The following ASPG variants were observed in gnomAD, a reference collection of about 807,000 sequenced individuals.
ASPG encodes the protein 60 kDa lysophospholipase.
In ASPG, 53 loss-of-function variants were observed where a neutral mutation model predicts 63.2. The observed-to-expected ratio is 0.84, with a 90% CI of 0.67 to 1.05. The LOEUF is 1.05. Among genes scored for constraint, ASPG ranks in the 50% least tolerant of loss-of-function variants. The pLI is 0.00. For missense variants in ASPG, 741 were observed against 794.4 expected, an observed-to-expected ratio of 0.93 and a Z score of 0.81; for synonymous variants, 370 against 355.0, an observed-to-expected ratio of 1.04 and a Z score of -0.48.
chr14:104,109,337 G>T lies in ASPG; in HGVS notation c.1520+22G>T. On this transcript the variant is annotated intron_variant, in intron 13 of 15. Transcript: ENST00000551177. The surrounding 1 kb of genome is among the most constrained non-coding windows in gnomAD (Gnocchi z 4.8). ...GCAGGTGAGTGCAGCTAGAGCACCT[G>T]CTCTTCCAGGGATGTGGGGGACACA... is the stretch of plus-strand genomic sequence containing the variant. 1 of 1,587,978 alleles carries T rather than the reference G, an allele frequency of 6.3e-7. No homozygotes were observed. Among genetic ancestry groups the T allele is most frequent in the Non-Finnish European group, 8.6e-7 (1 of 1,166,206 alleles).
In ASPG at chr14:104,104,351, C is replaced by T. The variant is rs753766093; in HGVS notation, c.801C>T (p.Thr267=). 1.6e-5 allele frequency: 26 copies of T among 1,612,496 alleles called. No individual in the cohort carries two copies. The highest frequency in any genetic ancestry group is 2.1e-5 in the Non-Finnish European group (25 of 1,179,792). The change falls in exon 8 of 16, where the codon ACC becomes ACT. Residue 267 remains threonine (T), a synonymous_variant. Transcript: ENST00000551177. Reference sequence around the variant, plus strand: ...CCCTGAAGGGCGTGGTCATGGAGACCTTCGGTTCAGGGAACGGACCCACCA... The same window carrying T: ...CCCTGAAGGGCGTGGTCATGGAGACTTTCGGTTCAGGGAACGGACCCACCA... ...QPPLKGVVME[T]FGSGNGPTKP...
chr14:104,103,075 G>A (rs1181230559), intron 6 of ASPG, among the ~76,000 whole-genome samples: 2 of 152,250 alleles, frequency 1.3e-5, no homozygotes, highest in African/African-American at 4.8e-5. Context: ...GGGCAGAGGA[G>A]GCTGGCTGGT....
chr14:104,088,561 G>T (rs1371444949), intron 1 of ASPG, among the ~76,000 whole-genome samples: 1 of 152,166 alleles, frequency 6.6e-6, no homozygotes, highest in Non-Finnish European at 1.5e-5. Flanking sequence ...GCTCCTTGCA[G>T]GCACAGCAGG....
rs189418386 is a variant in ASPG, at chr14:104,100,356, C to T, written c.640+1377C>T. Among the ~76,000 whole-genome samples, 12 of 152,240 alleles carry T rather than the reference C, an allele frequency of 7.9e-5. No homozygotes were observed. The East Asian group carries it at 2.3e-3, about 29-fold the overall frequency. On this transcript the variant is annotated intron_variant, in intron 6 of 15. Transcript: ENST00000551177. ...GCGGGTGGAGGCAGCGTCTTTGGAT[C>T]TCAAGACAAGGCCTGTGTGTGGGAG... is the stretch of plus-strand genomic sequence containing the variant.
rs1770983 is a variant in ASPG at position 104,095,661 on chromosome 14, T to C, written c.429+5T>C. 1,197,276 of 1,612,228 alleles carry C rather than the reference T, an allele frequency of 0.74. 446,564 individuals are homozygous for C. The highest frequency in any genetic ancestry group is 0.89 in the East Asian group (39,736 of 44,850). On this transcript the variant is annotated splice_donor_5th_base_variant and intron_variant, in intron 4 of 15. Transcript: ENST00000551177. ...GTCATCCTCACTGGGGCCCAGGTAA[T>C]CCCAGGGGCCCGGGGCTCCTAGGAA... is the stretch of plus-strand genomic sequence containing the variant.
At chr14:104,097,762 C>T in intron 5 of ASPG, 125 bp downstream of exon 5, 1 of 796,838 alleles carries the variant, frequency 1.3e-6, no homozygotes, top group Non-Finnish European at 2.0e-6. Context: ...GGTGCACTGT[C>T]TTCTAGATCT....
chr14:104,104,776 C>G (rs773099064), intron 9 of ASPG, 41 bp downstream of exon 9: 7 of 1,509,212 alleles, frequency 4.6e-6, no homozygotes, highest in Non-Finnish European at 5.4e-6. Flanking sequence ...TCGGTGTGCA[C>G]AAGCATGTCA....
chr14:104,108,731 T>A (rs2037255572), intron 12 of ASPG: 1 of 985,216 alleles, frequency 1.0e-6, no homozygotes, highest in Non-Finnish European at 1.2e-6. Flanking sequence ...CTGCCCCCAC[T>A]CCTACCCAAG....
intron 14 of ASPG, 95 bp downstream of exon 14, chr14:104,111,696 G>T: frequency 2.9e-6 from 3 of 1,035,292 alleles, no homozygotes; most frequent in Non-Finnish European, 4.3e-6. Flanking sequence ...GCCCCTCCCC[G>T]CTCTGCCCCT....
chr14:104,092,508 C>G lies in ASPG; in HGVS notation c.83-125C>G, dbSNP rs977986940. On this transcript the variant is annotated intron_variant, in intron 1 of 15. Transcript: ENST00000551177. ...CAGGGGCAGCCATAGCCCTTCCTCCCAGCCTCTGACTGTCATAAGACCGGA... is the reference window on the plus strand; with the variant it reads ...CAGGGGCAGCCATAGCCCTTCCTCCGAGCCTCTGACTGTCATAAGACCGGA... 3 of 812,282 alleles carry G rather than the reference C, an allele frequency of 3.7e-6. No individual in the cohort carries two copies. In the Admixed American group the frequency reaches 6.5e-5, roughly 18 times the overall value. The allele number at this position is 812,282 out of a possible 1,614,324, so 50.3% of individuals were successfully genotyped here.
rs1701307349 is a variant in ASPG, at chr14:104,109,979, G to C, written c.1520+664G>C. 8.1e-6 allele frequency: 8 copies of C among 985,192 alleles called. No individual in the cohort carries two copies. Among genetic ancestry groups the C allele is most frequent in the Admixed American group, 6.1e-5 (1 of 16,266 alleles). The allele number at this position is 985,192 out of a possible 1,614,324, so 61.0% of individuals were successfully genotyped here. On this transcript the variant is annotated intron_variant, in intron 13 of 15. Coordinates refer to ENST00000551177, the MANE Select transcript of ASPG (RefSeq NM_001080464.3). This position sits in a 1 kb window ranked among gnomAD's most constrained non-coding sequence, Gnocchi z 4.8. ...GAGGGTGTCGGTTGTGGGTGGAGGT[G>C]GGCCAGGGATGCAGGGATCCTCCTC...
Position 104,098,080 on chromosome 14 carries a change from AGAGATGCG to A in ASPG, c.513+444_513+451del, listed in dbSNP as rs1384025323. Among the ~76,000 whole-genome samples the A allele has an allele frequency of 8.1e-4, 95 of 116,860 alleles. 16 individuals carry two copies. Among genetic ancestry groups the A allele is most frequent in the African/African-American group, 1.2e-3 (41 of 33,560 alleles). The allele number at this position is 116,860 out of a possible 152,430, so 76.7% of individuals were successfully genotyped here. ...GAGATGCGTATGGAGGTTTTGCGTTAGAGATGCGTATGGAGGTTCTGCGTTAGAGATGC... is the reference window on the plus strand; with the variant it reads ...GAGATGCGTATGGAGGTTTTGCGTTATATGGAGGTTCTGCGTTAGAGATGC... On this transcript the variant is annotated intron_variant, in intron 5 of 15. Transcript: ENST00000551177.
chr14:104,091,727 T>C lies in ASPG; in HGVS notation c.83-906T>C, dbSNP rs926948705. The stretch of plus-strand genomic sequence containing the variant: ...TAATTTGTGAGCCAGTGATAGGCGA[T>C]GGGTACAGCTGCAGAGGGCGAGGGG... On this transcript the variant is annotated intron_variant, in intron 1 of 15. Coordinates refer to ENST00000551177, the MANE Select transcript of ASPG (RefSeq NM_001080464.3). The surrounding 1 kb of genome is among the most constrained non-coding windows in gnomAD (Gnocchi z 6.4). Among the ~76,000 whole-genome samples the C allele has an allele frequency of 1.4e-5, 2 of 139,740 alleles. No homozygotes were observed. The highest frequency in any genetic ancestry group is 3.0e-5 in the Non-Finnish European group (2 of 65,740). The allele number at this position is 139,740 out of a possible 152,430, so 91.7% of individuals were successfully genotyped here.
At chr14:104,099,448 G>T (rs1226904684) in intron 6 of ASPG, among the ~76,000 whole-genome samples, 1 of 152,186 alleles carries the variant, frequency 6.6e-6, no homozygotes, top group Admixed American at 6.5e-5. Context: ...CCCTGGGGGG[G>T]CCAAGCCCGC....
chr14:104,092,284 C>T (rs1418783351), intron 1 of ASPG, among the ~76,000 whole-genome samples: 1 of 152,132 alleles, frequency 6.6e-6, no homozygotes, highest in East Asian at 1.9e-4. Flanking sequence ...AGGCTGAGCC[C>T]CGTGGGCCTT....
chr14:104,098,780 G>C, intron 5 of ASPG, 73 bp from the exon 6 acceptor site: 3 of 1,576,640 alleles, frequency 1.9e-6, no homozygotes, highest in Non-Finnish European at 2.6e-6. Flanking sequence ...TGATGGCAGG[G>C]AGGAAGCTGG....
chr14:104,098,938 C>G lies in ASPG; in HGVS notation c.599C>G (p.Pro200Arg). 4 of 1,603,850 alleles carry G rather than the reference C, an allele frequency of 2.5e-6. No homozygotes were observed. Among genetic ancestry groups the G allele is most frequent in the Non-Finnish European group, 3.4e-6 (4 of 1,176,084 alleles). ...DARRFAAFCS[P>R]NLLPLATVGA... ...CGGAGGTTCGCAGCTTTCTGCTCCC[C>G]GAACCTGCTGCCTCTGGCCACAGTG... Residue 200 changes from proline to arginine, a missense_variant, in exon 6 of 16, where the codon CCG becomes CGG. Physicochemically the swap from Pro to Arg is moderately radical, Grantham distance 103. Coordinates refer to ENST00000551177, the MANE Select transcript of ASPG (RefSeq NM_001080464.3).
chr14:104,103,241 C>T (rs1233445816), intron 6 of ASPG, among the ~76,000 whole-genome samples: 1 of 152,234 alleles, frequency 6.6e-6, no homozygotes, highest in East Asian at 1.9e-4. Context: ...CCCTCCTGCC[C>T]CTCGCCTGGC....
intron 3 of ASPG, among the ~76,000 whole-genome samples, chr14:104,095,054 G>A (rs936076319): frequency 2.0e-5 from 3 of 152,164 alleles, no homozygotes; most frequent in African/African-American, 7.2e-5. Context: ...TGTCCTGCCC[G>A]GCCGCCCAGG....
Sources: allele counts gnomAD v4.1 joint callset (sites outside exome capture counted in the v4.1 genomes callset), GRCh38; gene constraint gnomAD v4.1.1; non-coding constraint Gnocchi (gnomAD v3.1); transcripts MANE v1.5; gene names NCBI Gene and HGNC (gene_info 2026-07-23, HGNC 2026-07-21).